The following SYNE1 variants were observed in gnomAD, a reference collection of about 807,000 sequenced individuals.
The protein encoded by SYNE1 is spectrin repeat containing nuclear envelope protein 1, also known as nesprin-1.
SYNE1 carries 616 observed loss-of-function variants against 1,111.0 expected under a neutral mutation model. That is an observed-to-expected ratio of 0.55 (90% CI 0.52 to 0.59). The LOEUF (loss-of-function observed/expected upper bound fraction) is 0.59, where lower values mean the gene tolerates loss of function less well. Among genes scored for constraint, SYNE1 ranks in the 20% least tolerant of loss-of-function variants. The pLI is 0.00. For synonymous variants in SYNE1, 3,855 were observed against 3,825.8 expected (o/e 1.01, Z -0.28); for missense variants, 10,006 against 10,417.0 (o/e 0.96, Z 1.72).
chr6:152,473,516 C>G (rs991132582), intron 14 of SYNE1, among the ~76,000 whole-genome samples: 2 of 152,088 alleles, frequency 1.3e-5, no homozygotes, highest in Admixed American at 6.5e-5. Flanking sequence ...TATTTCTAAC[C>G]TGATATATTT....
chr6:152,398,497 T>C (rs924503695), intron 49 of SYNE1, 122 bp downstream of exon 49: 29 of 808,156 alleles, frequency 3.6e-5, no homozygotes, highest in Non-Finnish European at 5.4e-5. Flanking sequence ...ATCAGCCTAA[T>C]TCTGTTAGGG....
At position 152,379,390 on chromosome 6, in the gene SYNE1, T is replaced by C. The variant is rs142606723; in HGVS notation, c.9009+1616A>G. Reference sequence around the variant, plus strand: ...GAATTATTTTTACAATATTATATTATATACTTTATAGATCATCTGTTTTTA... The same window carrying C: ...GAATTATTTTTACAATATTATATTACATACTTTATAGATCATCTGTTTTTA... On this transcript the variant is annotated intron_variant, in intron 56 of 145. Transcript: ENST00000367255. Among the ~76,000 whole-genome samples, 7 of 152,228 alleles carry C rather than the reference T, an allele frequency of 4.6e-5. No individual in the cohort carries two copies. The East Asian group carries it at 1.2e-3, about 25-fold the overall frequency.
chr6:152,617,990 G>A (rs570130878), intron 3 of SYNE1, among the ~76,000 whole-genome samples: 45 of 152,302 alleles, frequency 3.0e-4, no homozygotes, highest in African/African-American at 1.1e-3. Context: ...GTCAGGCAAT[G>A]GACACCCTTC....
At chr6:152,541,101 A>G (rs550351922) in intron 3 of SYNE1, among the ~76,000 whole-genome samples, 2 of 152,354 alleles carry the variant, frequency 1.3e-5, no homozygotes, top group East Asian at 3.9e-4. Flanking sequence ...AGAGGAACTA[A>G]TATAGAAAGG....
At chr6:152,132,050 G>T (rs1252098444) in intron 144 of SYNE1, 72 bp downstream of exon 144, 1 of 1,401,318 alleles carries the variant, frequency 7.1e-7, no homozygotes, top group East Asian at 2.3e-5. Context: ...GAACCCTGTG[G>T]TGGGTGCAAA....
intron 131 of SYNE1, among the ~76,000 whole-genome samples, chr6:152,160,004 T>G (rs2062131770): frequency 6.6e-6 from 1 of 151,924 alleles, no homozygotes; most frequent in African/African-American, 2.4e-5. Context: ...TATACTATGG[T>G]TATGTTTCTT....
At chr6:152,511,708 G>A (rs1313208103) in intron 6 of SYNE1, 3 of 1,042,650 alleles carry the variant, frequency 2.9e-6, no homozygotes, top group African/African-American at 1.6e-5. Flanking sequence ...CCTGACTGTG[G>A]TAATACGTTT....
At chr6:152,406,469 CATAG>C (rs2097902477) in intron 45 of SYNE1, among the ~76,000 whole-genome samples, 1 of 136,408 alleles carries the variant, frequency 7.3e-6, no homozygotes, top group Non-Finnish European at 1.5e-5. Context: ...CCTAAATAAG[CATAG>C]ATAAAAATGC....
intron 132 of SYNE1, 113 bp downstream of exon 132, chr6:152,155,797 C>T: frequency 7.7e-7 from 1 of 1,298,918 alleles, no homozygotes; most frequent in East Asian, 2.5e-5. Flanking sequence ...GAAGCCACAG[C>T]TATTTTTGGA....
chr6:152,440,008 G>T (rs542353174), intron 32 of SYNE1, among the ~76,000 whole-genome samples: 1 of 152,016 alleles, frequency 6.6e-6, no homozygotes, highest in African/African-American at 2.4e-5. Context: ...ACAACTTCTC[G>T]TTCACATCCC....
chr6:152,301,716 A>G (rs934412285), intron 92 of SYNE1, among the ~76,000 whole-genome samples, 153 bp downstream of exon 92: 1 of 152,228 alleles, frequency 6.6e-6, no homozygotes, highest in Non-Finnish European at 1.5e-5. Context: ...GCCCGGCCCA[A>G]CGGTAGTCAA....
chr6:152,317,137 G>A lies in SYNE1; in HGVS notation c.16573-151C>T, dbSNP rs193020283. Reference sequence around the variant, plus strand: ...AATGGTATCAAAAGATCGTTTCCCTGTTAAAATCTGTCAAAGCTTTCTCAG... The same window carrying A: ...AATGGTATCAAAAGATCGTTTCCCTATTAAAATCTGTCAAAGCTTTCTCAG... On this transcript the variant is annotated intron_variant, in intron 86 of 145. Transcript: ENST00000367255. The A allele has an allele frequency of 6.4e-5, 58 of 907,082 alleles. No homozygotes were observed. In the African/African-American group the frequency reaches 7.5e-4, roughly 12 times the overall value. The allele number at this position is 907,082 out of a possible 1,614,324, so 56.2% of individuals were successfully genotyped here.
At chr6:152,429,883 T>C (rs1470300640) in intron 36 of SYNE1, among the ~76,000 whole-genome samples, 1 of 152,228 alleles carries the variant, frequency 6.6e-6, no homozygotes, top group African/African-American at 2.4e-5. Context: ...GAGAGAAATG[T>C]ATTTGAAATG....
intron 53 of SYNE1, among the ~76,000 whole-genome samples, chr6:152,388,377 AG>A (rs1390038362): frequency 2.0e-5 from 3 of 152,144 alleles, no homozygotes; most frequent in East Asian, 3.9e-4. Flanking sequence ...CCTCCCGAGT[AG>A]CTGGGACTGC....
chr6:152,270,707 T>C (rs1293818508), intron 98 of SYNE1, among the ~76,000 whole-genome samples: 1 of 152,178 alleles, frequency 6.6e-6, no homozygotes, highest in Non-Finnish European at 1.5e-5. Context: ...GGAAGCCAGA[T>C]GAGGGCCCTG....
rs1209170829 is a variant in SYNE1 at position 152,201,837 on chromosome 6, T to C, written c.23132A>G (p.Gln7711Arg). 6.2e-7 allele frequency: 1 copy of C among 1,613,844 alleles called. No individual in the cohort carries two copies. Among genetic ancestry groups the C allele is most frequent in the Non-Finnish European group, 8.5e-7 (1 of 1,179,840 alleles). ...PDHHEELHAEQMRCKELENAV... is the reference protein window; with the variant it reads ...PDHHEELHAERMRCKELENAV... ...TCAGTAATTTACCTTGCAACGCATT[T>C]GTTCTGCATGGAGCTCTTCATGGTG... The change falls in exon 127 of 146, where the codon CAA becomes CGA. Residue 7711 changes from glutamine to arginine, a missense_variant. Physicochemically the swap from Gln to Arg is conservative, Grantham distance 43. Coordinates refer to ENST00000367255, the MANE Select transcript of SYNE1 (RefSeq NM_182961.4).
intron 135 of SYNE1, 106 bp from the exon 136 acceptor site, chr6:152,149,774 G>T (rs2060103152): frequency 3.1e-6 from 3 of 973,146 alleles, no homozygotes; most frequent in Non-Finnish European, 3.2e-6. Flanking sequence ...GACATGTAGG[G>T]GCTATTTAAT....
intron 3 of SYNE1, among the ~76,000 whole-genome samples, chr6:152,611,955 C>T (rs2099632546): frequency 6.6e-6 from 1 of 151,596 alleles, no homozygotes; most frequent in Non-Finnish European, 1.5e-5. Flanking sequence ...TCAATGAGAA[C>T]AAAGACACAG....
intron 98 of SYNE1, among the ~76,000 whole-genome samples, chr6:152,276,863 A>ACCAAACTC (rs1422646241): frequency 6.7e-6 from 1 of 148,722 alleles, no homozygotes; most frequent in Non-Finnish European, 1.5e-5. Flanking sequence ...GGTAGGGAAG[A>ACCAAACTC]CCAAACTCTG....
Sources: gnomAD v4.1 joint callset for allele counts (sites outside exome capture counted in the v4.1 genomes callset) on GRCh38, gnomAD v4.1.1 for gene constraint, MANE v1.5 for transcripts, NCBI Gene and HGNC (gene_info 2026-07-23, HGNC 2026-07-21) for gene names.